The following ESRRG variants were observed in gnomAD, a reference collection of about 807,000 sequenced individuals.
ESRRG encodes estrogen related receptor gamma.
In ESRRG, 13 loss-of-function variants were observed where a neutral mutation model predicts 44.0. The observed-to-expected ratio is 0.30, with a 90% CI of 0.19 to 0.47. The LOEUF (loss-of-function observed/expected upper bound fraction) is 0.47. Ranked by LOEUF, ESRRG falls within the 20% of genes least tolerant of loss-of-function variation. The pLI is 1.00. For missense variants in ESRRG, 395 were observed against 580.6 expected (o/e 0.68, Z 3.29); for synonymous variants, 215 against 214.6 (o/e 1.00, Z -0.02).
At chr1:216,902,013 A>G (rs898346694) in intron 2 of ESRRG, among the ~76,000 whole-genome samples, 14 of 152,110 alleles carry the variant, frequency 9.2e-5, no homozygotes, top group African/African-American at 3.4e-4. Context: ...TCTACCTGCC[A>G]TTGCCTCCCA....
rs560798272 is a variant in ESRRG, at chr1:216,633,980, C to T, written c.589+16993G>A. Among the ~76,000 whole-genome samples the T allele has an allele frequency of 3.5e-4, 54 of 152,208 alleles. No homozygotes were observed. The South Asian group carries it at 0.011, about 31-fold the overall frequency. ...GGTATTGGTTAAAAGGGTAGATAAA[C>T]CTAATTACAGTTATTGATGACAAAT... On this transcript the variant is annotated intron_variant, in intron 3 of 6. Coordinates refer to ENST00000408911, the MANE Select transcript of ESRRG (RefSeq NM_001438.4).
In ESRRG at chr1:216,684,664, C is replaced by G. The variant is rs1423585135; in HGVS notation, c.57-7173G>C. Among the ~76,000 whole-genome samples the G allele has an allele frequency of 3.9e-5, 6 of 152,294 alleles. No individual in the cohort carries two copies. The East Asian group carries it at 9.7e-4, about 25-fold the overall frequency. On this transcript the variant is annotated intron_variant, in intron 1 of 6. Coordinates refer to ENST00000408911, the MANE Select transcript of ESRRG (RefSeq NM_001438.4). ...TCTGCTTAAAACTCTGGCTAATCAT[C>G]TACATCGGCTTTGAAGGGAGAGCTC...
intron 2 of ESRRG, among the ~76,000 whole-genome samples, chr1:216,658,095 T>C (rs1329491278): frequency 2.0e-5 from 3 of 152,028 alleles, no homozygotes; most frequent in Non-Finnish European, 4.4e-5. Context: ...TGACTGGAGA[T>C]CACACACTCT....
intron 1 of ESRRG, among the ~76,000 whole-genome samples, chr1:216,971,451 C>G (rs1578866312): frequency 6.6e-6 from 1 of 152,118 alleles, no homozygotes; most frequent in Non-Finnish European, 1.5e-5. Context: ...ACGGGCCATT[C>G]CAAAGGCAAA....
chr1:216,572,308 A>G (rs1265904501), intron 3 of ESRRG, among the ~76,000 whole-genome samples: 1 of 152,086 alleles, frequency 6.6e-6, no homozygotes, highest in African/African-American at 2.4e-5. Context: ...TTTTCCCCCC[A>G]GGACAATCAA....
chr1:216,622,794 T>C (rs1239458894), intron 3 of ESRRG, among the ~76,000 whole-genome samples: 1 of 152,174 alleles, frequency 6.6e-6, no homozygotes, highest in Non-Finnish European at 1.5e-5. Context: ...TTTATCAAAA[T>C]ACTCTACATT....
chr1:216,917,381 A>G (rs905451940), intron 2 of ESRRG, among the ~76,000 whole-genome samples: 1 of 152,080 alleles, frequency 6.6e-6, no homozygotes. Flanking sequence ...GTAGCCAATT[A>G]CCACTGACAC....
At chr1:216,993,009 TGTTTCAATTGTTTACTAG>T (rs1560399136) in intron 1 of ESRRG, among the ~76,000 whole-genome samples, 3 of 152,190 alleles carry the variant, frequency 2.0e-5, no homozygotes, top group African/African-American at 7.2e-5. Context: ...CTGATATATT[TGTTTCAATTGTTTACTAG>T]GTTTAGCTCT....
At chr1:216,917,020 C>T (rs2061277861) in intron 2 of ESRRG, among the ~76,000 whole-genome samples, 1 of 151,606 alleles carries the variant, frequency 6.6e-6, no homozygotes, top group Non-Finnish European at 1.5e-5. Flanking sequence ...TGGCTGCATT[C>T]AGCTGGCTAG....
chr1:216,921,341 C>T (rs575326128), intron 2 of ESRRG, among the ~76,000 whole-genome samples: 19 of 152,108 alleles, frequency 1.2e-4, no homozygotes, highest in African/African-American at 2.2e-4. Flanking sequence ...ATCGGTAAGA[C>T]GAGGATAACA....
chr1:216,797,084 G>T (rs979954042), intron 2 of ESRRG, among the ~76,000 whole-genome samples: 1 of 152,018 alleles, frequency 6.6e-6, no homozygotes, highest in South Asian at 2.1e-4. Context: ...TAGAGACGGG[G>T]TTTCACCATG....
rs183570338 is a variant in ESRRG, at chr1:217,022,632, C to T, written c.-106+66875G>A. 5.5e-3 allele frequency among the ~76,000 whole-genome samples: 838 copies of T among 152,246 alleles called. 10 individuals are homozygous for T. Among genetic ancestry groups the T allele is most frequent in the African/African-American group, 0.019 (805 of 41,538 alleles). On this transcript the variant is annotated intron_variant, in intron 1 of 7. Transcript: ENST00000359162. ...GCCCAGGCTGGATTAATGGGAGCAT[C>T]GACCCTGTGCTTGCCTGGCACCTCA... is the stretch of plus-strand genomic sequence containing the variant.
At chr1:217,043,305 G>T (rs909542096) in intron 1 of ESRRG, among the ~76,000 whole-genome samples, 2 of 152,084 alleles carry the variant, frequency 1.3e-5, no homozygotes, top group Non-Finnish European at 2.9e-5. Flanking sequence ...TCCATAAATG[G>T]AAAGAAGGAA....
At chr1:216,693,546 A>C (rs1209934620) in intron 1 of ESRRG, among the ~76,000 whole-genome samples, 2 of 152,224 alleles carry the variant, frequency 1.3e-5, no homozygotes, top group African/African-American at 4.8e-5. Context: ...AAATTGATGT[A>C]GTATTTGAAT....
In ESRRG at chr1:216,677,186, T is replaced by C. The variant is rs749995633; in HGVS notation, c.362A>G (p.Asn121Ser). ...TAAACACAGTCTCTTGGGCATCGAGTTGAGCATGTATTCACACTTGGTCTG... is the reference window on the plus strand; with the variant it reads ...TAAACACAGTCTCTTGGGCATCGAGCTGAGCATGTATTCACACTTGGTCTG... The part of the protein sequence containing the change: ...DPQTKCEYML[N>S]SMPKRLCLVC... The change falls in exon 2 of 7, where the codon AAC becomes AGC. Residue 121 changes from asparagine (N) to serine (S), a missense_variant. By Grantham distance (46) the Asn-to-Ser change is conservative. Around this residue, in one of 5 missense-constraint regions of ESRRG, gnomAD observed 148 missense variants for 150.4 expected, o/e 0.98. Transcript: ENST00000408911. 2 of 1,613,890 alleles carry C rather than the reference T, an allele frequency of 1.2e-6. No individual in the cohort carries two copies. The highest frequency in any genetic ancestry group is 1.7e-6 in the Non-Finnish European group (2 of 1,179,992).
At chr1:216,658,918 A>AG (rs2071492784) in intron 2 of ESRRG, among the ~76,000 whole-genome samples, 2 of 132,940 alleles carry the variant, frequency 1.5e-5, no homozygotes, top group African/African-American at 3.0e-5. Context: ...GAGAAGAGAA[A>AG]TAAAGAAAAG....
intron 1 of ESRRG, among the ~76,000 whole-genome samples, chr1:217,001,159 C>A (rs1226775610): frequency 1.3e-5 from 2 of 152,210 alleles, no homozygotes; most frequent in Non-Finnish European, 2.9e-5. Flanking sequence ...TAAGTAATAT[C>A]AACCTGTCTA....
At chr1:216,877,317 A>G (rs1200648711) in intron 2 of ESRRG, among the ~76,000 whole-genome samples, 1 of 151,912 alleles carries the variant, frequency 6.6e-6, no homozygotes, top group Non-Finnish European at 1.5e-5. Context: ...AACTGCAAGT[A>G]TTCTCATTCA....
intron 3 of ESRRG, among the ~76,000 whole-genome samples, chr1:216,584,748 C>A (rs1045690987): frequency 6.6e-6 from 1 of 152,004 alleles, no homozygotes; most frequent in Non-Finnish European, 1.5e-5. Flanking sequence ...AAAATCAAGG[C>A]GAATAAGAAA....
Sources: allele counts gnomAD v4.1 joint callset (sites outside exome capture counted in the v4.1 genomes callset), GRCh38; gene constraint gnomAD v4.1.1; regional missense constraint gnomAD v4.1.1; transcripts MANE v1.5; gene names NCBI Gene and HGNC (gene_info 2026-07-23, HGNC 2026-07-21).